The following KCNT1 variants were observed in gnomAD, a reference collection of about 807,000 sequenced individuals.
The protein encoded by KCNT1 is potassium sodium-activated channel subfamily T member 1.
A neutral mutation model predicts 147.8 loss-of-function variants in KCNT1; 78 were observed. The ratio of observed to expected loss-of-function variants is 0.53; its 90% CI spans 0.44 to 0.64. The LOEUF is 0.64. Ranked by LOEUF, KCNT1 falls within the 30% of genes least tolerant of loss-of-function variation. The pLI, the probability that KCNT1 is intolerant of heterozygous loss-of-function variation, is 0.00. For missense variants in KCNT1, 1,419 were observed against 1,750.3 expected (o/e 0.81, Z 3.38); for synonymous variants, 867 against 748.8 (o/e 1.16, Z -2.58).
At chr9:135,713,574 A>G (rs2131326947) in intron 1 of KCNT1, among the ~76,000 whole-genome samples, 1 of 152,308 alleles carries the variant, frequency 6.6e-6, no homozygotes, top group East Asian at 1.9e-4. Flanking sequence ...GCCTCTGTGC[A>G]GGGCCTACGG....
rs1564314603 is a variant in KCNT1, at chr9:135,714,657, T to G, written c.191T>G (p.Leu64Trp). 25 of 1,484,662 alleles carry G rather than the reference T, an allele frequency of 1.7e-5. No homozygotes were observed. Among genetic ancestry groups the G allele is most frequent in the Non-Finnish European group, 2.2e-5 (24 of 1,108,154 alleles). The allele number at this position is 1,484,662 out of a possible 1,614,324, so 92.0% of individuals were successfully genotyped here. A position where few individuals can be genotyped will look rare whatever the true frequency, so the allele number is the denominator to read the frequency against. The change falls in exon 2 of 31, where the codon TTG (leucine) becomes TGG (tryptophan). Residue 64 changes from leucine to tryptophan, a missense_variant. Leu to Trp is a moderately conservative substitution (Grantham distance 61, BLOSUM62 -2). Coordinates refer to ENST00000371757, the MANE Select transcript of KCNT1 (RefSeq NM_020822.3). The surrounding 1 kb of genome is among the most constrained non-coding windows in gnomAD (Gnocchi z 6.2). ...MSDLDSEVLP[L>W]PPRYRFRDLL... ...GACCTGGACTCCGAGGTGCTGCCCT[T>G]GCCGCCGCGCTACCGCTTCCGGGAC...
chr9:135,760,270 G>T (rs894052203), intron 11 of KCNT1, among the ~76,000 whole-genome samples: 1 of 152,142 alleles, frequency 6.6e-6, no homozygotes, highest in Non-Finnish European at 1.5e-5. Context: ...TGGCTTCCCC[G>T]TCACCACTGC....
intron 29 of KCNT1, 124 bp downstream of exon 29, chr9:135,786,645 T>C: frequency 1.0e-6 from 1 of 958,030 alleles, no homozygotes; most frequent in Non-Finnish European, 1.5e-6. Flanking sequence ...CATCTGTCTG[T>C]CTGTCAGCCT....
rs866873936 is a variant in KCNT1 at position 135,765,865 on chromosome 9, C to T, written c.1337+105C>T. On this transcript the variant is annotated intron_variant, in intron 13 of 30. Coordinates refer to ENST00000371757, the MANE Select transcript of KCNT1 (RefSeq NM_020822.3). ...CGTCGCTCTCCTGGCCAATGAGAGC[C>T]ATGAGAGCATTATAGACTATCCCCA... is the stretch of plus-strand genomic sequence containing the variant. 44 of 1,102,846 alleles carry T rather than the reference C, an allele frequency of 4.0e-5. No homozygotes were observed. The African/African-American group carries it at 5.3e-4, about 13-fold the overall frequency. The allele number at this position is 1,102,846 out of a possible 1,614,324, so 68.3% of individuals were successfully genotyped here. A position where few individuals can be genotyped will look rare whatever the true frequency, so the allele number is the denominator to read the frequency against.
Position 135,762,591 on chromosome 9 carries a change from A to G in KCNT1, c.1036-2440A>G, listed in dbSNP as rs374959648. 2.6e-5 allele frequency among the ~76,000 whole-genome samples: 4 copies of G among 152,156 alleles called. No individual in the cohort carries two copies. The East Asian group carries it at 5.8e-4, about 22-fold the overall frequency. ...GGCAAAACCCCGTCTCTACCAAAAA[A>G]TAGGAAAAATTAGCCAGGCATGATG... On this transcript the variant is annotated intron_variant, in intron 11 of 30. Transcript: ENST00000371757.
At chr9:135,746,942 T>C (rs1267678509) in intron 2 of KCNT1, among the ~76,000 whole-genome samples, 1 of 151,166 alleles carries the variant, frequency 6.6e-6, no homozygotes, top group Non-Finnish European at 1.5e-5. Flanking sequence ...CTGAGGTTGG[T>C]GGGGGATGGT....
intron 9 of KCNT1, among the ~76,000 whole-genome samples, chr9:135,758,038 C>T (rs1831608928): frequency 7.8e-6 from 1 of 128,894 alleles, no homozygotes; most frequent in Non-Finnish European, 1.7e-5. Flanking sequence ...AGAGGGGGTG[C>T]CCTACCCAGG....
chr9:135,760,624 C>T (rs1226403416), intron 11 of KCNT1, among the ~76,000 whole-genome samples: 1 of 152,216 alleles, frequency 6.6e-6, no homozygotes, highest in Non-Finnish European at 1.5e-5. Flanking sequence ...ACCCCAGGCT[C>T]AGCCCCAGCT....
At chr9:135,729,242 G>A (rs939221967) in intron 2 of KCNT1, among the ~76,000 whole-genome samples, 1 of 152,234 alleles carries the variant, frequency 6.6e-6, no homozygotes, top group Non-Finnish European at 1.5e-5. Context: ...CAGTGGAAGA[G>A]GTGAAGTGAC....
At chr9:135,787,595 C>T (rs962094101) in intron 29 of KCNT1, among the ~76,000 whole-genome samples, 7 of 152,190 alleles carry the variant, frequency 4.6e-5, no homozygotes, top group Non-Finnish European at 7.4e-5. Context: ...GAGCTGCTCA[C>T]GGGTGACTGG....
intron 16 of KCNT1, 76 bp downstream of exon 16, chr9:135,770,131 G>T (rs1832650063): frequency 1.4e-6 from 2 of 1,405,170 alleles, no homozygotes; most frequent in Admixed American, 4.1e-5. Context: ...GCCTGCTTGG[G>T]GGCGGGGATG....
At position 135,757,230 on chromosome 9, in the gene KCNT1, G is replaced by A. The variant is rs773255063; in HGVS notation, c.675G>A (p.Thr225=). 2.4e-5 allele frequency: 39 copies of A among 1,611,900 alleles called. No homozygotes were observed. Among genetic ancestry groups the A allele is most frequent in the Non-Finnish European group, 2.9e-5 (34 of 1,179,718 alleles). The change falls in exon 8 of 31, where the codon ACG becomes ACA. Residue 225 remains threonine (T), a splice_region_variant and synonymous_variant. Transcript: ENST00000371757. ...EMINTLPFII[T]IFWPPLRNLF... The stretch of plus-strand genomic sequence containing the variant: ...TCAACACTCTGCCCTTCATCATCAC[G>A]GTGGGTGAGCCCCAGCTGCCAGGAG...
chr9:135,737,608 C>T (rs1386557057), intron 2 of KCNT1, among the ~76,000 whole-genome samples: 3 of 152,140 alleles, frequency 2.0e-5, no homozygotes, highest in Non-Finnish European at 2.9e-5. Flanking sequence ...CTGGTCCTTC[C>T]GGGACAAGCA....
At chr9:135,731,144 G>A (rs1237032182) in intron 2 of KCNT1, among the ~76,000 whole-genome samples, 1 of 152,010 alleles carries the variant, frequency 6.6e-6, no homozygotes, top group Admixed American at 6.5e-5. Flanking sequence ...CCTTCCCACT[G>A]GCTTCCGTAC....
At chr9:135,707,217 G>A (rs558914905) in intron 1 of KCNT1, among the ~76,000 whole-genome samples, 11 of 152,224 alleles carry the variant, frequency 7.2e-5, no homozygotes, top group African/African-American at 2.6e-4. Context: ...GCCAGCCCAG[G>A]GACCTGGCAC....
intron 2 of KCNT1, among the ~76,000 whole-genome samples, chr9:135,718,781 T>G (rs1835814688): frequency 6.6e-6 from 1 of 152,172 alleles, no homozygotes; most frequent in Non-Finnish European, 1.5e-5. Flanking sequence ...GACTCGGGCT[T>G]CCTGTTTCCC....
chr9:135,787,960 G>A, intron 29 of KCNT1: 1 of 693,400 alleles, frequency 1.4e-6, no homozygotes. Context: ...CTGCCTTTCT[G>A]GTGACCGACT....
intron 11 of KCNT1, 28 bp from the exon 12 acceptor site, chr9:135,765,003 C>T: frequency 1.3e-6 from 2 of 1,589,886 alleles, no homozygotes; most frequent in Non-Finnish European, 1.7e-6. Flanking sequence ...GGCCTGGTCG[C>T]TGGTGCTCAC....
intron 18 of KCNT1, among the ~76,000 whole-genome samples, chr9:135,772,035 G>GCCCACCACCTGCCAGAC (rs1832794979): frequency 6.6e-6 from 1 of 152,170 alleles, no homozygotes; most frequent in Non-Finnish European, 1.5e-5. Context: ...CCGATGCGGA[G>GCCCACCACCTGCCAGAC]CCCACCACCT....
Sources: allele counts gnomAD v4.1 joint callset (sites outside exome capture counted in the v4.1 genomes callset), GRCh38; gene constraint gnomAD v4.1.1; non-coding constraint Gnocchi (gnomAD v3.1); transcripts MANE v1.5; gene names NCBI Gene and HGNC (gene_info 2026-07-23, HGNC 2026-07-21).